Variants in ZFPM2 observed in about 807,000 individuals in gnomAD.
ZFPM2 encodes the protein zinc finger protein, FOG family member 2, also known as zinc finger protein ZFPM2.
In ZFPM2, 20 loss-of-function variants were observed where a neutral mutation model predicts 98.6. The observed-to-expected ratio is 0.20, with a 90% CI of 0.14 to 0.29. The LOEUF (loss-of-function observed/expected upper bound fraction) is 0.29. Ranked by LOEUF, ZFPM2 falls within the 10% of genes least tolerant of loss-of-function variation. The pLI is 1.00. For synonymous variants in ZFPM2, 518 were observed against 502.7 expected (o/e 1.03, Z -0.41); for missense variants, 1,310 against 1,388.6 (o/e 0.94, Z 0.90).
intron 5 of ZFPM2, among the ~76,000 whole-genome samples, chr8:105,636,129 C>T (rs1446893689): frequency 2.0e-5 from 3 of 152,018 alleles, no homozygotes; most frequent in Admixed American, 6.6e-5. Flanking sequence ...ATTTCACTTG[C>T]GGCATCATGT....
Position 105,461,790 on chromosome 8 carries a change from G to A in ZFPM2, c.301+17409G>A, listed in dbSNP as rs548954173. Among the ~76,000 whole-genome samples the A allele has an allele frequency of 2.6e-5, 4 of 152,182 alleles. No individual in the cohort carries two copies. In the South Asian group the frequency reaches 8.3e-4, roughly 32 times the overall value. On this transcript the variant is annotated intron_variant, in intron 3 of 7. Transcript: ENST00000407775. ...TTGATTTCCCCATAATAACTTTAGG[G>A]GTACTATTCTCATCTTGACCAATCA...
intron 1 of ZFPM2, among the ~76,000 whole-genome samples, chr8:105,350,694 G>T (rs758699260): frequency 6.6e-6 from 1 of 152,116 alleles, no homozygotes; most frequent in Non-Finnish European, 1.5e-5. Context: ...TAGCATATTA[G>T]TATACTCTTT....
intron 4 of ZFPM2, among the ~76,000 whole-genome samples, chr8:105,562,101 T>C (rs896432552): frequency 2.6e-5 from 4 of 151,610 alleles, no homozygotes; most frequent in African/African-American, 9.7e-5. Flanking sequence ...AGGTCAGGAG[T>C]TCGAGACCAG....
chr8:105,589,852 G>T (rs1815804323), intron 4 of ZFPM2, among the ~76,000 whole-genome samples: 1 of 152,070 alleles, frequency 6.6e-6, no homozygotes. Flanking sequence ...CTCCCAAGTA[G>T]CTGGGATTAC....
intron 4 of ZFPM2, among the ~76,000 whole-genome samples, chr8:105,611,500 T>C (rs1816306330): frequency 6.6e-6 from 1 of 151,950 alleles, no homozygotes; most frequent in Admixed American, 6.6e-5. Flanking sequence ...GGACACATAC[T>C]TCAAATAAGG....
intron 5 of ZFPM2, among the ~76,000 whole-genome samples, chr8:105,736,235 G>A (rs2131023897): frequency 6.6e-6 from 1 of 151,986 alleles, no homozygotes; most frequent in East Asian, 1.9e-4. Flanking sequence ...CCTAATGAGG[G>A]TAGGGACAAT....
At chr8:105,602,038 G>T (rs1018041654) in intron 4 of ZFPM2, among the ~76,000 whole-genome samples, 1 of 151,960 alleles carries the variant, frequency 6.6e-6, no homozygotes, top group South Asian at 2.1e-4. Context: ...ACGTCCAACT[G>T]CTCCTTCAGT....
At chr8:105,506,138 A>G (rs302963) in intron 3 of ZFPM2, among the ~76,000 whole-genome samples, 34,139 of 152,080 alleles carry the variant, frequency 0.22, 4,008 homozygotes, top group East Asian at 0.42. Context: ...ATAATTTAAG[A>G]TAGTTTATTA....
intron 5 of ZFPM2, among the ~76,000 whole-genome samples, chr8:105,654,526 C>G (rs1179189371): frequency 6.6e-6 from 1 of 152,082 alleles, no homozygotes; most frequent in Non-Finnish European, 1.5e-5. Flanking sequence ...GCCGGAGACA[C>G]AGAGATAGTC....
chr8:105,334,640 A>T (rs532643327), intron 1 of ZFPM2, among the ~76,000 whole-genome samples: 157 of 151,800 alleles, frequency 1.0e-3, no homozygotes, highest in Non-Finnish European at 1.9e-3. Context: ...GCCCTGTTAT[A>T]CAAAAAGTTT....
intron 4 of ZFPM2, among the ~76,000 whole-genome samples, chr8:105,573,126 G>A (rs1472782003): frequency 6.6e-6 from 1 of 152,102 alleles, no homozygotes; most frequent in African/African-American, 2.4e-5. Context: ...TCACTCAAAT[G>A]ACTCTTGATT....
At chr8:105,559,295 A>G (rs1186117082) in intron 3 of ZFPM2, among the ~76,000 whole-genome samples, 1 of 152,208 alleles carries the variant, frequency 6.6e-6, no homozygotes, top group Non-Finnish European at 1.5e-5. Flanking sequence ...GTTATTTACT[A>G]TACGTATTCT....
chr8:105,611,541 A>G (rs1046134804), intron 4 of ZFPM2, among the ~76,000 whole-genome samples: 3 of 152,130 alleles, frequency 2.0e-5, no homozygotes, highest in African/African-American at 7.2e-5. Context: ...AAGAGGCTCA[A>G]AAACTCCAAG....
At chr8:105,590,326 G>A (rs1315809752) in intron 4 of ZFPM2, among the ~76,000 whole-genome samples, 1 of 152,178 alleles carries the variant, frequency 6.6e-6, no homozygotes, top group Non-Finnish European at 1.5e-5. Flanking sequence ...CGTTACTTCT[G>A]TTGCAGATAA....
Position 105,435,199 on chromosome 8 carries a change from C to T in ZFPM2, c.200-9081C>T, listed in dbSNP as rs758095060. On this transcript the variant is annotated intron_variant, in intron 2 of 7. Coordinates refer to ENST00000407775, the MANE Select transcript of ZFPM2 (RefSeq NM_012082.4). The stretch of plus-strand genomic sequence containing the variant: ...CTAGACTAAGAAAAATGGAAAGGCC[C>T]ACAAAATACGTATGATATCTTTTAA... 2.6e-4 allele frequency among the ~76,000 whole-genome samples: 39 copies of T among 152,204 alleles called. 1 individual carries two copies. The highest frequency in any genetic ancestry group is 3.5e-4 in the Non-Finnish European group (24 of 67,994).
At chr8:105,376,179 C>A (rs1405523923) in intron 1 of ZFPM2, among the ~76,000 whole-genome samples, 1 of 152,156 alleles carries the variant, frequency 6.6e-6, no homozygotes, top group Admixed American at 6.5e-5. Flanking sequence ...TAGCATCATT[C>A]AGCAAAGTTG....
intron 5 of ZFPM2, among the ~76,000 whole-genome samples, chr8:105,750,191 C>A (rs1337485646): frequency 6.6e-6 from 1 of 151,988 alleles, no homozygotes; most frequent in Non-Finnish European, 1.5e-5. Flanking sequence ...GAAACCAAAT[C>A]TCAGGGAGTT....
chr8:105,677,190 T>TA (rs1563517186), intron 5 of ZFPM2, among the ~76,000 whole-genome samples: 2 of 151,524 alleles, frequency 1.3e-5, no homozygotes, highest in Middle Eastern at 3.2e-3. Flanking sequence ...TTGAAATATA[T>TA]TTTCTCTTGT....
intron 1 of ZFPM2, among the ~76,000 whole-genome samples, chr8:105,335,689 A>C (rs1812313286): frequency 6.6e-6 from 1 of 151,824 alleles, no homozygotes; most frequent in Non-Finnish European, 1.5e-5. Context: ...GTTAGTGGTC[A>C]GCACCAAAAA....
Sources: gnomAD v4.1 joint callset for allele counts (sites outside exome capture counted in the v4.1 genomes callset) on GRCh38, gnomAD v4.1.1 for gene constraint, MANE v1.5 for transcripts, NCBI Gene and HGNC (gene_info 2026-07-23, HGNC 2026-07-21) for gene names.